The following HPSE2 variants were observed in gnomAD, a reference collection of about 807,000 sequenced individuals.
HPSE2 encodes the protein inactive heparanase-2.
In HPSE2, 38 loss-of-function variants were observed where a neutral mutation model predicts 60.5. The ratio of observed to expected loss-of-function variants is 0.63; its 90% confidence interval spans 0.48 to 0.82. The LOEUF is 0.82. HPSE2 is among the 40% of genes least tolerant of loss of function. HPSE2 has a pLI of 0.00. For synonymous variants in HPSE2, 295 were observed against 293.2 expected (o/e 1.01, Z -0.06); for missense variants, 713 against 740.4 (o/e 0.96, Z 0.43).
the HPSE2 span, among the ~76,000 whole-genome samples, chr10:99,255,488 G>A: frequency 1.3e-5 from 2 of 151,770 alleles, no homozygotes; most frequent in East Asian, 3.9e-4. Flanking sequence ...ATATAAGGTT[G>A]TTTTAACATT....
chr10:99,046,780 A>C (rs1167274823), intron 3 of HPSE2, among the ~76,000 whole-genome samples: 1 of 152,056 alleles, frequency 6.6e-6, no homozygotes, highest in Non-Finnish European at 1.5e-5. Flanking sequence ...AGGGGGTGAA[A>C]GATCTCCACA....
At chr10:98,565,552 A>G (rs749372321) in intron 9 of HPSE2, among the ~76,000 whole-genome samples, 9 of 152,176 alleles carry the variant, frequency 5.9e-5, no homozygotes, top group Non-Finnish European at 1.3e-4. Context: ...CATATGTACC[A>G]CATTTTCTTT....
intron 3 of HPSE2, among the ~76,000 whole-genome samples, chr10:99,032,047 C>T (rs553171301): frequency 1.3e-5 from 2 of 152,290 alleles, no homozygotes; most frequent in South Asian, 2.1e-4. Context: ...ATCAATCACA[C>T]CACATATATC....
chr10:99,077,243 C>T (rs10883255), intron 3 of HPSE2, among the ~76,000 whole-genome samples: 74,673 of 151,984 alleles, frequency 0.49, 20,809 homozygotes, highest in East Asian at 0.65. Flanking sequence ...ATCTGGATGT[C>T]AAGTTTCTTT....
At chr10:99,158,812 A>C (rs1846698003) in intron 2 of HPSE2, among the ~76,000 whole-genome samples, 1 of 152,204 alleles carries the variant, frequency 6.6e-6, no homozygotes, top group African/African-American at 2.4e-5. Context: ...TTAACTGACT[A>C]GTCTTTTTAA....
At chr10:99,130,826 A>C (rs1405795944) in intron 3 of HPSE2, among the ~76,000 whole-genome samples, 1 of 152,156 alleles carries the variant, frequency 6.6e-6, no homozygotes, top group Non-Finnish European at 1.5e-5. Context: ...TTGCCACAGT[A>C]TCTTATCAGC....
intron 9 of HPSE2, among the ~76,000 whole-genome samples, chr10:98,511,290 A>G (rs1024939032): frequency 1.1e-4 from 17 of 151,932 alleles, no homozygotes; most frequent in African/African-American, 3.9e-4. Flanking sequence ...AGCTGGGACT[A>G]CAGACACATG....
chr10:99,098,403 T>A (rs1843798322), intron 3 of HPSE2, among the ~76,000 whole-genome samples: 1 of 152,162 alleles, frequency 6.6e-6, no homozygotes, highest in Non-Finnish European at 1.5e-5. Context: ...CTGGAATAAA[T>A]CCCCAACAAA....
rs980827813 is a variant in HPSE2 at position 98,880,396 on chromosome 10, A to C, written c.611-136340T>G. ...CACAGATTTGGAAAACCTTTACTACATCACATCATGGGTATTTTTCCTTTA... is the reference window on the plus strand; with the variant it reads ...CACAGATTTGGAAAACCTTTACTACCTCACATCATGGGTATTTTTCCTTTA... On this transcript the variant is annotated intron_variant, in intron 3 of 11. Coordinates refer to ENST00000370552, the MANE Select transcript of HPSE2 (RefSeq NM_021828.5). 7.2e-5 allele frequency among the ~76,000 whole-genome samples: 11 copies of C among 152,102 alleles called. No homozygotes were observed. The East Asian group carries it at 2.1e-3, about 30-fold the overall frequency.
intron 3 of HPSE2, among the ~76,000 whole-genome samples, chr10:98,834,320 A>T (rs981567145): frequency 6.6e-6 from 1 of 152,186 alleles, no homozygotes; most frequent in African/African-American, 2.4e-5. Context: ...CTAATTGGTG[A>T]CATCTGCAAG....
chr10:99,191,082 A>C (rs983966135), intron 2 of HPSE2, among the ~76,000 whole-genome samples: 1 of 152,024 alleles, frequency 6.6e-6, no homozygotes, highest in Non-Finnish European at 1.5e-5. Context: ...CTTTGTCTTG[A>C]GGTTTGGGTG....
intron 3 of HPSE2, among the ~76,000 whole-genome samples, chr10:98,867,294 GAA>G (rs200460520): frequency 1.6e-4 from 23 of 140,128 alleles, no homozygotes; most frequent in East Asian, 1.0e-3. Context: ...AACTCTATAG[GAA>G]AAAAAAAAAA....
chr10:98,833,170 C>A (rs577825403), intron 3 of HPSE2, among the ~76,000 whole-genome samples: 3 of 152,264 alleles, frequency 2.0e-5, no homozygotes, highest in Admixed American at 2.0e-4. Flanking sequence ...CTCCAAACAC[C>A]TAACAATCCA....
chr10:98,567,741 A>C lies in HPSE2; in HGVS notation c.1320+47163T>G, dbSNP rs7089447. 2.2e-3 allele frequency among the ~76,000 whole-genome samples: 253 copies of C among 112,932 alleles called. 1 individual carries two copies. The highest frequency in any genetic ancestry group is 7.4e-3 in the African/African-American group (246 of 33,344). The allele number at this position is 112,932 out of a possible 152,430, so 74.1% of individuals were successfully genotyped here. ...AATATTTCCTTCGTGTTTCTCTACA[A>C]ATGGATGGTGTGTGTGTGTGTGTGT... On this transcript the variant is annotated intron_variant, in intron 9 of 11. Coordinates refer to ENST00000370552, the MANE Select transcript of HPSE2 (RefSeq NM_021828.5).
At chr10:98,534,643 G>T (rs1943227990) in intron 9 of HPSE2, among the ~76,000 whole-genome samples, 1 of 152,186 alleles carries the variant, frequency 6.6e-6, no homozygotes, top group Admixed American at 6.5e-5. Context: ...GACCTCAGGT[G>T]ATCTGCCCAC....
At chr10:98,815,351 A>C (rs1169551127) in intron 3 of HPSE2, among the ~76,000 whole-genome samples, 1 of 152,252 alleles carries the variant, frequency 6.6e-6, no homozygotes, top group Admixed American at 6.5e-5. Context: ...GATCTATGAA[A>C]GAAAAATCCC....
intron 8 of HPSE2, among the ~76,000 whole-genome samples, chr10:98,615,999 T>C (rs1467577711): frequency 6.6e-6 from 1 of 152,194 alleles, no homozygotes; most frequent in Admixed American, 6.5e-5. Flanking sequence ...AAACTACTCT[T>C]GGCTACCCAA....
At chr10:98,504,824 T>C (rs1364205553) in intron 9 of HPSE2, among the ~76,000 whole-genome samples, 1 of 150,674 alleles carries the variant, frequency 6.6e-6, no homozygotes. Context: ...GTAATACCCA[T>C]ACTGTTGCAT....
chr10:99,180,727 T>C (rs1189057206), intron 2 of HPSE2, among the ~76,000 whole-genome samples: 1 of 150,560 alleles, frequency 6.6e-6, no homozygotes, highest in Non-Finnish European at 1.5e-5. Flanking sequence ...TCTACTAAAA[T>C]ACACACAAAA....
Sources: gnomAD v4.1 joint callset for allele counts (sites outside exome capture counted in the v4.1 genomes callset) on GRCh38, gnomAD v4.1.1 for gene constraint, MANE v1.5 for transcripts, NCBI Gene and HGNC (gene_info 2026-07-23, HGNC 2026-07-21) for gene names.